The following RAD51B variants were observed in gnomAD, a reference collection of about 807,000 sequenced individuals.
RAD51B encodes DNA repair protein RAD51 homolog 2.
In RAD51B, 38 loss-of-function variants were observed where a neutral mutation model predicts 42.2. The ratio of observed to expected loss-of-function variants is 0.90; its 90% CI spans 0.70 to 1.18. The LOEUF is 1.18. RAD51B is among the 50% of genes most tolerant of loss of function. The pLI is 0.00. For missense variants in RAD51B, 373 were observed against 400.7 expected, an observed-to-expected ratio of 0.93 and a Z score of 0.59; for synonymous variants, 154 against 145.2, an observed-to-expected ratio of 1.06 and a Z score of -0.43.
chr14:68,575,041 A>G (rs140062725), intron 10 of RAD51B, among the ~76,000 whole-genome samples: 51 of 152,288 alleles, frequency 3.3e-4, no homozygotes, highest in African/African-American at 4.8e-5. Flanking sequence ...GTTCTCCACA[A>G]TGACTTTTTC....
At chr14:68,425,979 C>T (rs8005713) in intron 9 of RAD51B, among the ~76,000 whole-genome samples, 1,927 of 58,590 alleles carry the variant, frequency 0.033, 39 homozygotes, top group African/African-American at 0.062. Context: ...TTTCTTTCTT[C>T]CTTCCTTCCT....
chr14:68,250,019 C>CAG (rs2080587672), intron 7 of RAD51B, among the ~76,000 whole-genome samples: 1 of 152,178 alleles, frequency 6.6e-6, no homozygotes, highest in African/African-American at 2.4e-5. Context: ...CTCAAATTTC[C>CAG]AGGGGAGAGG....
chr14:68,628,306 C>T (rs1423925156), intron 10 of RAD51B: 2 of 152,222 alleles, frequency 1.3e-5, no homozygotes, highest in Admixed American at 6.5e-5. Context: ...CCTCGGGCCG[C>T]CCCGGGGCGC....
intron 10 of RAD51B, among the ~76,000 whole-genome samples, chr14:68,607,378 AAAC>A (rs1014561617): frequency 2.0e-5 from 3 of 152,184 alleles, no homozygotes; most frequent in Admixed American, 1.3e-4. Flanking sequence ...AATGCGTGGC[AAAC>A]AACAACAATG....
rs1566939341 is a variant in RAD51B at position 68,565,100 on chromosome 14, C to A, written c.1037-29385C>A. Among the ~76,000 whole-genome samples, 1 of 152,020 alleles carries A rather than the reference C, an allele frequency of 6.6e-6. No homozygotes were observed. Among genetic ancestry groups the A allele is most frequent in the Non-Finnish European group, 1.5e-5 (1 of 67,962 alleles). On this transcript the variant is annotated intron_variant, in intron 10 of 10. Transcript: ENST00000487270. This position sits in a 1 kb window ranked among gnomAD's most constrained non-coding sequence, Gnocchi z 4.1. ...CAGGAAAAATACACACACACACATA[C>A]ACACACACACACCCCACATGCACAC...
intron 8 of RAD51B, among the ~76,000 whole-genome samples, chr14:68,314,144 T>C (rs952385749): frequency 6.6e-6 from 1 of 152,190 alleles, no homozygotes; most frequent in Admixed American, 6.5e-5. Flanking sequence ...GAGAAGCATC[T>C]GGAAAGATTG....
At chr14:67,885,469 C>CGG (rs2043033790) in intron 5 of RAD51B, among the ~76,000 whole-genome samples, 2 of 152,144 alleles carry the variant, frequency 1.3e-5, no homozygotes, top group African/African-American at 4.8e-5. Context: ...TTACTGATAT[C>CGG]TATTATAATA....
At chr14:68,221,445 A>G (rs1232605435) in intron 7 of RAD51B, among the ~76,000 whole-genome samples, 2 of 152,234 alleles carry the variant, frequency 1.3e-5, no homozygotes, top group Non-Finnish European at 2.9e-5. Flanking sequence ...TGGGAAAAGG[A>G]CACCCTATTC....
chr14:68,575,658 G>A (rs1326023677), intron 10 of RAD51B, among the ~76,000 whole-genome samples: 1 of 152,170 alleles, frequency 6.6e-6, no homozygotes, highest in Admixed American at 6.6e-5. Context: ...GCAACTCCCA[G>A]GGCCCCTGAC....
At chr14:67,960,456 A>G (rs555355798) in intron 7 of RAD51B, among the ~76,000 whole-genome samples, 2 of 152,236 alleles carry the variant, frequency 1.3e-5, no homozygotes, top group African/African-American at 4.8e-5. Flanking sequence ...TATAGTTTTT[A>G]TCTTTCACTT....
intron 9 of RAD51B, among the ~76,000 whole-genome samples, chr14:68,437,475 G>A (rs1319534031): frequency 2.0e-5 from 3 of 152,006 alleles, no homozygotes; most frequent in Non-Finnish European, 4.4e-5. Flanking sequence ...TTTTCATTGT[G>A]TCTTTGCCAG....
chr14:68,159,190 GTAATGGGTGT>G (rs1457893343), intron 7 of RAD51B, among the ~76,000 whole-genome samples: 1 of 152,052 alleles, frequency 6.6e-6, no homozygotes, highest in Non-Finnish European at 1.5e-5. Flanking sequence ...ATTAAAGCTG[GTAATGGGTGT>G]GTCTGTTTAG....
At chr14:68,058,096 A>T (rs2076506871) in intron 7 of RAD51B, among the ~76,000 whole-genome samples, 2 of 152,122 alleles carry the variant, frequency 1.3e-5, no homozygotes, top group Admixed American at 1.3e-4. Flanking sequence ...TTATCATGAT[A>T]TAATTAAAAA....
chr14:68,517,108 C>CA (rs1260849091), intron 10 of RAD51B, among the ~76,000 whole-genome samples: 7 of 152,136 alleles, frequency 4.6e-5, no homozygotes, highest in African/African-American at 1.7e-4. Flanking sequence ...GTGCAGATCA[C>CA]AACTCAGGAC....
chr14:67,862,003 G>C (rs550342603), intron 4 of RAD51B, among the ~76,000 whole-genome samples: 1 of 152,128 alleles, frequency 6.6e-6, no homozygotes, highest in South Asian at 2.1e-4. Flanking sequence ...AGGGGAAGGA[G>C]AGATGTTGGT....
intron 7 of RAD51B, among the ~76,000 whole-genome samples, chr14:67,943,426 G>A (rs547932766): frequency 6.6e-6 from 1 of 152,196 alleles, no homozygotes; most frequent in African/African-American, 2.4e-5. Context: ...TCTGACTAAA[G>A]CCTACATTTT....
intron 7 of RAD51B, among the ~76,000 whole-genome samples, chr14:68,266,136 T>C (rs1424052954): frequency 6.6e-6 from 1 of 152,340 alleles, no homozygotes; most frequent in East Asian, 1.9e-4. Flanking sequence ...CCAGGAGCTG[T>C]AGGGTTAGAA....
At chr14:67,887,305 T>TG (rs2043090963) in intron 7 of RAD51B, 101 bp downstream of exon 7, 1 of 1,066,034 alleles carries the variant, frequency 9.4e-7, no homozygotes, top group South Asian at 1.6e-5. Context: ...TAGAGGAAAA[T>TG]GTAAAACAGA....
chr14:67,964,990 G>A (rs562100512), intron 7 of RAD51B, among the ~76,000 whole-genome samples: 38 of 152,228 alleles, frequency 2.5e-4, no homozygotes, highest in African/African-American at 8.7e-4. Context: ...CCTGGCACAC[G>A]TTAGCATTAT....
Sources: allele counts gnomAD v4.1 joint callset (sites outside exome capture counted in the v4.1 genomes callset), GRCh38; gene constraint gnomAD v4.1.1; non-coding constraint Gnocchi (gnomAD v3.1); transcripts MANE v1.5; gene names NCBI Gene and HGNC (gene_info 2026-07-23, HGNC 2026-07-21).